The following TEAD1 variants were observed in gnomAD, a reference collection of about 807,000 sequenced individuals.
TEAD1 encodes transcriptional enhancer factor TEF-1.
Under a neutral mutation model 54.9 loss-of-function variants are expected in TEAD1, and 9 were observed. The ratio of observed to expected loss-of-function variants is 0.16; its 90% CI spans 0.10 to 0.29. The LOEUF (loss-of-function observed/expected upper bound fraction) is 0.29. TEAD1 is among the 10% of genes least tolerant of loss of function. The pLI, the probability that TEAD1 is intolerant of heterozygous loss-of-function variation, is 1.00. For missense variants in TEAD1, 387 were observed against 535.9 expected (o/e 0.72, Z 2.74); for synonymous variants, 200 against 187.8 (o/e 1.07, Z -0.53).
chr11:12,844,590 A>G (rs1947102203), intron 3 of TEAD1, among the ~76,000 whole-genome samples: 1 of 152,054 alleles, frequency 6.6e-6, no homozygotes. Flanking sequence ...CGACAGAAAA[A>G]TCTCCACAGC....
At chr11:12,833,527 A>T (rs1946824330) in intron 3 of TEAD1, among the ~76,000 whole-genome samples, 1 of 152,084 alleles carries the variant, frequency 6.6e-6, no homozygotes, top group African/African-American at 2.4e-5. Context: ...GACCCAATAG[A>T]CTGGGCATGT....
At chr11:12,841,921 G>T (rs1465077321) in intron 3 of TEAD1, among the ~76,000 whole-genome samples, 1 of 152,136 alleles carries the variant, frequency 6.6e-6, no homozygotes, top group South Asian at 2.1e-4. Context: ...AATAGTCTGG[G>T]AAGGTCTCTT....
At chr11:12,708,289 T>A (rs1233540825) in intron 2 of TEAD1, among the ~76,000 whole-genome samples, 1 of 151,946 alleles carries the variant, frequency 6.6e-6, no homozygotes. Context: ...GTCTGTGCAA[T>A]TGTGTATGCC....
At chr11:12,812,071 A>G (rs1946313554) in intron 3 of TEAD1, among the ~76,000 whole-genome samples, 1 of 152,124 alleles carries the variant, frequency 6.6e-6, no homozygotes. Context: ...GGATCGTCTC[A>G]CACAGAGAGT....
intron 3 of TEAD1, among the ~76,000 whole-genome samples, chr11:12,786,947 T>A (rs558945918): frequency 6.6e-6 from 1 of 152,178 alleles, no homozygotes; most frequent in Non-Finnish European, 1.5e-5. Flanking sequence ...AGCTCGGGCA[T>A]GCCTCATGTG....
chr11:12,735,695 C>T (rs920274347), intron 2 of TEAD1, among the ~76,000 whole-genome samples: 2 of 152,062 alleles, frequency 1.3e-5, no homozygotes, highest in Non-Finnish European at 2.9e-5. Flanking sequence ...GGTCCCACCA[C>T]CACTCTGCTC....
At chr11:12,738,019 G>A (rs371577282) in intron 2 of TEAD1, among the ~76,000 whole-genome samples, 16 of 152,146 alleles carry the variant, frequency 1.1e-4, no homozygotes, top group African/African-American at 3.4e-4. Flanking sequence ...TAAAACCGTC[G>A]GATCTCATGA....
At chr11:12,714,928 A>C (rs1184189203) in intron 2 of TEAD1, among the ~76,000 whole-genome samples, 1 of 152,130 alleles carries the variant, frequency 6.6e-6, no homozygotes, top group Non-Finnish European at 1.5e-5. Flanking sequence ...CATGTCTCCA[A>C]ATGCTGTCAC....
At chr11:12,826,284 ACTTTCTGGGCTCTTGTAGGTCT>A (rs1406601964) in intron 3 of TEAD1, among the ~76,000 whole-genome samples, 1 of 152,182 alleles carries the variant, frequency 6.6e-6, no homozygotes, top group African/African-American at 2.4e-5. Flanking sequence ...AAATATTACC[ACTTTCTGGGCTCTTGTAGGTCT>A]CTGTCACATC....
intron 7 of TEAD1, among the ~76,000 whole-genome samples, chr11:12,881,391 A>G (rs1442684926): frequency 2.0e-5 from 3 of 152,166 alleles, no homozygotes; most frequent in Non-Finnish European, 4.4e-5. Flanking sequence ...CCTCTAGCCC[A>G]TTTCATTCTA....
intron 3 of TEAD1, among the ~76,000 whole-genome samples, chr11:12,848,429 G>A (rs888736025): frequency 2.6e-5 from 4 of 152,082 alleles, no homozygotes; most frequent in South Asian, 4.1e-4. Flanking sequence ...GGATTCTGCC[G>A]CCATCTAAGA....
chr11:12,813,624 C>G (rs763825002), intron 3 of TEAD1, among the ~76,000 whole-genome samples: 2 of 152,202 alleles, frequency 1.3e-5, no homozygotes, highest in Non-Finnish European at 2.9e-5. Context: ...AGCTGTGTGA[C>G]TGTGTGAGCT....
At chr11:12,740,359 A>G (rs781458031) in intron 2 of TEAD1, among the ~76,000 whole-genome samples, 1 of 152,194 alleles carries the variant, frequency 6.6e-6, no homozygotes, top group Non-Finnish European at 1.5e-5. Context: ...TGCTAGTGTA[A>G]TGTTATTGCT....
At chr11:12,709,633 C>G (rs539204775) in intron 2 of TEAD1, among the ~76,000 whole-genome samples, 2 of 152,244 alleles carry the variant, frequency 1.3e-5, no homozygotes, top group South Asian at 2.1e-4. Context: ...TTATCCTCAG[C>G]TCCCCCAAGT....
rs970121150 is a variant in TEAD1, at chr11:12,817,314, A to G, written c.203-44936A>G. Among the ~76,000 whole-genome samples the G allele has an allele frequency of 4.6e-5, 7 of 152,224 alleles. 1 individual carries two copies. Among genetic ancestry groups the G allele is most frequent in the African/African-American group, 1.7e-4 (7 of 41,464 alleles). On this transcript the variant is annotated intron_variant, in intron 3 of 12. Transcript: ENST00000527636. Reference sequence around the variant, plus strand: ...ACTTTTGAAGGAGATGAGAATAAACATTTAGTGGTCAGCCAGACGGAGAAT... The same window carrying G: ...ACTTTTGAAGGAGATGAGAATAAACGTTTAGTGGTCAGCCAGACGGAGAAT...
intron 2 of TEAD1, among the ~76,000 whole-genome samples, chr11:12,713,505 A>G (rs1299513304): frequency 6.6e-6 from 1 of 152,244 alleles, no homozygotes; most frequent in African/African-American, 2.4e-5. Context: ...ATTAGATATT[A>G]AAAGTAGGAC....
At chr11:12,913,779 C>T (rs1316532096) in intron 10 of TEAD1, among the ~76,000 whole-genome samples, 1 of 152,188 alleles carries the variant, frequency 6.6e-6, no homozygotes, top group African/African-American at 2.4e-5. Context: ...TAACTGGGTT[C>T]CCCGTTTTAT....
rs188030767 is a variant in TEAD1, at chr11:12,788,961, G to A, written c.202+24527G>A. 6.4e-4 allele frequency among the ~76,000 whole-genome samples: 98 copies of A among 152,248 alleles called. No individual in the cohort carries two copies. The East Asian group carries it at 0.012, about 18-fold the overall frequency. On this transcript the variant is annotated intron_variant, in intron 3 of 12. Transcript: ENST00000527636. Reference sequence around the variant, plus strand: ...GATGGGGCCTGGCTGTGTTGCCCACGCTGGTCTCAAGCCCCTGGCCTCAAG... The same window carrying A: ...GATGGGGCCTGGCTGTGTTGCCCACACTGGTCTCAAGCCCCTGGCCTCAAG...
At chr11:12,741,055 GT>G (rs1196568402) in intron 2 of TEAD1, among the ~76,000 whole-genome samples, 1 of 151,964 alleles carries the variant, frequency 6.6e-6, no homozygotes, top group African/African-American at 2.4e-5. Context: ...CAATATCACT[GT>G]CCTAACTTAG....
Sources: gnomAD v4.1 joint callset for allele counts (sites outside exome capture counted in the v4.1 genomes callset) on GRCh38, gnomAD v4.1.1 for gene constraint, MANE v1.5 for transcripts, NCBI Gene and HGNC (gene_info 2026-07-23, HGNC 2026-07-21) for gene names.